TBC1D14: variants seen among roughly 807,000 people sequenced by gnomAD.
TBC1D14 encodes TBC1 domain family, member 14.
Under a neutral mutation model 79.0 loss-of-function variants are expected in TBC1D14, and 26 were observed. The observed-to-expected ratio is 0.33, with a 90% confidence interval of 0.24 to 0.46. The LOEUF (loss-of-function observed/expected upper bound fraction) is 0.46. Among genes scored for constraint, TBC1D14 ranks in the 20% least tolerant of loss-of-function variants. The pLI, the probability that TBC1D14 is intolerant of heterozygous loss-of-function variation, is 1.00. For synonymous variants in TBC1D14, 394 were observed against 349.9 expected (o/e 1.13, Z -1.40); for missense variants, 769 against 887.6 (o/e 0.87, Z 1.70).
chr4:6,911,658 T>A (rs1040318873), intron 1 of TBC1D14, among the ~76,000 whole-genome samples: 6 of 152,204 alleles, frequency 3.9e-5, no homozygotes, highest in African/African-American at 9.7e-5. Flanking sequence ...TTCCTGTCTT[T>A]CATGCCTCCA....
intron 2 of TBC1D14, among the ~76,000 whole-genome samples, chr4:6,949,200 C>T (rs186442389): frequency 1.5e-4 from 23 of 152,068 alleles, no homozygotes; most frequent in African/African-American, 5.5e-4. Context: ...CGCAGCGGCT[C>T]ACGCCTGTAA....
At position 6,992,944 on chromosome 4, in the gene TBC1D14, C is replaced by G. The variant is rs536355486; in HGVS notation, c.844-1240C>G. Among the ~76,000 whole-genome samples the G allele has an allele frequency of 2.0e-5, 3 of 152,348 alleles. No individual in the cohort carries two copies. The East Asian group carries it at 5.8e-4, about 29-fold the overall frequency. On this transcript the variant is annotated intron_variant, in intron 3 of 13. Coordinates refer to ENST00000409757, the MANE Select transcript of TBC1D14 (RefSeq NM_020773.3). ...CCATATACATCCAGGTGTACAGAAA[C>G]TGCCCCACCCAACTGCTTCTTGGTG...
At chr4:6,996,533 AG>A in intron 5 of TBC1D14, 126 bp downstream of exon 5, 4 of 694,778 alleles carry the variant, frequency 5.8e-6, no homozygotes, top group Admixed American at 3.2e-5. Flanking sequence ...GTAGTCTTCC[AG>A]TAAAAAAAAA....
chr4:6,940,870 A>G (rs1436887463), intron 2 of TBC1D14, among the ~76,000 whole-genome samples: 1 of 152,184 alleles, frequency 6.6e-6, no homozygotes, highest in Non-Finnish European at 1.5e-5. Flanking sequence ...AGCACTTACT[A>G]GGAGGTGTTA....
intron 3 of TBC1D14, among the ~76,000 whole-genome samples, chr4:6,979,461 A>G (rs1451099937): frequency 3.3e-5 from 5 of 152,178 alleles, no homozygotes; most frequent in African/African-American, 9.7e-5. Context: ...CCCTGTCTCT[A>G]TTGAAAAAAT....
rs768611298 is a variant in TBC1D14 at position 6,923,994 on chromosome 4, A to G, written c.605A>G (p.Asn202Ser). 36 of 1,613,942 alleles carry G rather than the reference A, an allele frequency of 2.2e-5. No individual in the cohort carries two copies. The East Asian group carries it at 2.5e-4, about 11-fold the overall frequency. ...LENDDDPQFT[N>S]VTLSSIKETR... is the part of the protein sequence containing the mutation. Reference sequence around the variant, plus strand: ...AATGACGATGACCCACAGTTTACCAACGTCACCTTGAGCTCTATCAAGGAA... The same window carrying G: ...AATGACGATGACCCACAGTTTACCAGCGTCACCTTGAGCTCTATCAAGGAA... The change falls in exon 2 of 14, where the codon AAC becomes AGC. Residue 202 changes from asparagine to serine, a missense_variant. Asn to Ser is a conservative substitution (Grantham distance 46). Coordinates refer to ENST00000409757, the MANE Select transcript of TBC1D14 (RefSeq NM_020773.3).
chr4:6,939,020 T>TG (rs1712623240), intron 2 of TBC1D14, among the ~76,000 whole-genome samples: 1 of 152,098 alleles, frequency 6.6e-6, no homozygotes, highest in South Asian at 2.1e-4. Flanking sequence ...GTGGACACCA[T>TG]GGGGAAGAGA....
At chr4:6,951,221 G>C (rs994566486) in intron 2 of TBC1D14, among the ~76,000 whole-genome samples, 1 of 152,186 alleles carries the variant, frequency 6.6e-6, no homozygotes, top group African/African-American at 2.4e-5. Flanking sequence ...GAACCCAAGA[G>C]ATGGAGGTTG....
At position 6,966,992 on chromosome 4, in the gene TBC1D14, G is replaced by A. The variant is rs180891466; in HGVS notation, c.723-312G>A. ...GCTGGGCTAATTTTTTGTATTTTTA[G>A]TAGAGACGGGGTTTCACCATGTTAA... On this transcript the variant is annotated intron_variant, in intron 2 of 13. Transcript: ENST00000409757. 7.0e-4 allele frequency among the ~76,000 whole-genome samples: 106 copies of A among 152,176 alleles called. 1 individual carries two copies. The highest frequency in any genetic ancestry group is 2.5e-3 in the African/African-American group (102 of 41,522).
chr4:7,001,505 G>A (rs559662935), intron 7 of TBC1D14: 1 of 424,094 alleles, frequency 2.4e-6, no homozygotes, highest in South Asian at 3.0e-5. Context: ...AGAGCATCGG[G>A]GAGGTGCCTG....
intron 2 of TBC1D14, among the ~76,000 whole-genome samples, chr4:6,927,359 G>GT (rs1724372767): frequency 6.6e-6 from 1 of 152,036 alleles, no homozygotes; most frequent in Admixed American, 6.6e-5. Flanking sequence ...TGGGTTTCTC[G>GT]TGAGTCCTCC....
intron 2 of TBC1D14, among the ~76,000 whole-genome samples, chr4:6,966,259 C>T (rs545312408): frequency 2.7e-4 from 41 of 152,350 alleles, no homozygotes; most frequent in African/African-American, 8.2e-4. Flanking sequence ...CAAGATGCTG[C>T]AGGCTCATCT....
intron 2 of TBC1D14, among the ~76,000 whole-genome samples, chr4:6,936,168 G>A (rs942984351): frequency 3.9e-5 from 6 of 152,148 alleles, no homozygotes; most frequent in Non-Finnish European, 7.3e-5. Context: ...ATTATCACCA[G>A]GAGTCCAGAG....
At chr4:6,927,232 TG>T (rs1376371525) in intron 2 of TBC1D14, among the ~76,000 whole-genome samples, 2 of 151,678 alleles carry the variant, frequency 1.3e-5, no homozygotes, top group African/African-American at 4.8e-5. Context: ...CATAGTCTGA[TG>T]GGGCAGACAG....
intron 3 of TBC1D14, among the ~76,000 whole-genome samples, chr4:6,986,464 CTTT>C (rs1357511404): frequency 1.3e-5 from 2 of 152,186 alleles, no homozygotes; most frequent in African/African-American, 4.8e-5. Context: ...TGCCATTGTC[CTTT>C]TTATTTTATC....
chr4:6,981,016 CTGTCTCTT>C (rs1399234216), intron 3 of TBC1D14, among the ~76,000 whole-genome samples: 1 of 145,128 alleles, frequency 6.9e-6, no homozygotes, highest in Non-Finnish European at 1.5e-5. Context: ...CGCCCGGCCT[CTGTCTCTT>C]TTTTTTTTTT....
chr4:7,012,590 T>C (rs1472389065), intron 11 of TBC1D14, among the ~76,000 whole-genome samples: 1 of 152,218 alleles, frequency 6.6e-6, no homozygotes, highest in Non-Finnish European at 1.5e-5. Flanking sequence ...AAGTGATCAG[T>C]AGTGATGCTT....
intron 7 of TBC1D14, 89 bp downstream of exon 7, chr4:7,001,340 A>C (rs1577150822): frequency 1.9e-6 from 2 of 1,069,012 alleles, no homozygotes; most frequent in Non-Finnish European, 2.8e-6. Flanking sequence ...AATGGCAGCC[A>C]TTGCCACGAA....
At chr4:6,958,649 A>T (rs1272737015) in intron 2 of TBC1D14, among the ~76,000 whole-genome samples, 1 of 152,110 alleles carries the variant, frequency 6.6e-6, no homozygotes, top group Non-Finnish European at 1.5e-5. Flanking sequence ...TGCCCAGGCT[A>T]TTCTCAAACT....
Sources: gnomAD v4.1 joint callset for allele counts (sites outside exome capture counted in the v4.1 genomes callset) on GRCh38, gnomAD v4.1.1 for gene constraint, MANE v1.5 for transcripts, NCBI Gene and HGNC (gene_info 2026-07-23, HGNC 2026-07-21) for gene names.